Variants in PRPF40B observed in about 807,000 individuals in gnomAD.
PRPF40B encodes the protein pre-mRNA-processing factor 40 homolog B.
PRPF40B carries 56 observed loss-of-function variants against 124.5 expected under a neutral mutation model. The ratio of observed to expected loss-of-function variants is 0.45; its 90% CI spans 0.36 to 0.56. PRPF40B has a LOEUF of 0.56. PRPF40B is among the 20% of genes least tolerant of loss of function. PRPF40B has a pLI of 0.00. For missense variants in PRPF40B, 1,053 were observed against 1,169.5 expected, an observed-to-expected ratio of 0.90 and a Z score of 1.45; for synonymous variants, 443 against 426.4, an observed-to-expected ratio of 1.04 and a Z score of -0.48.
At chr12:49,624,489 C>G (rs373955917) in intron 1 of PRPF40B, among the ~76,000 whole-genome samples, 1 of 152,124 alleles carries the variant, frequency 6.6e-6, no homozygotes, top group Non-Finnish European at 1.5e-5. Context: ...CCTAACTCCA[C>G]AATGATGGAG....
rs987776065 is a variant in PRPF40B at position 49,628,632 on chromosome 12, C to T, written c.4-1913C>T. 2.0e-5 allele frequency among the ~76,000 whole-genome samples: 3 copies of T among 150,278 alleles called. No homozygotes were observed. In the East Asian group the frequency reaches 5.9e-4, roughly 29 times the overall value. On this transcript the variant is annotated intron_variant, in intron 1 of 25. Transcript: ENST00000548825. Reference sequence around the variant, plus strand: ...AGGCTGGAGTTGGAGTGCAGTGGCGCCTCGGCTCACTGCAAACTCCGCCTC... The same window carrying T: ...AGGCTGGAGTTGGAGTGCAGTGGCGTCTCGGCTCACTGCAAACTCCGCCTC...
intron 15 of PRPF40B, among the ~76,000 whole-genome samples, chr12:49,636,305 T>A (rs893326195): frequency 1.3e-5 from 2 of 152,176 alleles, no homozygotes; most frequent in African/African-American, 4.8e-5. Flanking sequence ...TCTTAAAGCA[T>A]CATAGAACTA....
In PRPF40B at chr12:49,630,586, C is replaced by A; in HGVS notation, c.45C>A (p.Ala15=). 3.5e-6 allele frequency: 5 copies of A among 1,411,696 alleles called. No homozygotes were observed. Among genetic ancestry groups the A allele is most frequent in the East Asian group, 2.3e-5 (1 of 43,684 alleles). The allele number at this position is 1,411,696 out of a possible 1,614,324, so 87.4% of individuals were successfully genotyped here. A position where few individuals can be genotyped will look rare whatever the true frequency, so the allele number is the denominator to read the frequency against. Residue 15 remains alanine, a synonymous_variant, in exon 2 of 26, where the codon GCC becomes GCA. Coordinates refer to ENST00000548825, the MANE Select transcript of PRPF40B (RefSeq NM_001031698.3). The part of the protein sequence containing the change: ...DSGPRPPAAP[A]PFPPGPPMMP... ...GTCCCCGGCCCCCAGCAGCGCCTGC[C>A]CCCTTCCCACCGGGGCCCCCCATGA...
chr12:49,624,232 A>G, intron 1 of PRPF40B: 4 of 902,498 alleles, frequency 4.4e-6, no homozygotes, highest in Non-Finnish European at 5.3e-6. Flanking sequence ...AAGGAAATGC[A>G]TGAAAATTAA....
Position 49,631,629 on chromosome 12 carries a change from G to A in PRPF40B, c.228+85G>A. On this transcript the variant is annotated intron_variant, in intron 3 of 25. Coordinates refer to ENST00000548825, the MANE Select transcript of PRPF40B (RefSeq NM_001031698.3). The surrounding 1 kb of genome is among the most constrained non-coding windows in gnomAD (Gnocchi z 4.3). ...GATAAGAGCGGGCATGTAGGCCTCA[G>A]AAACTGGGGAAGGAAGGGAGCTTTG... 3.4e-6 allele frequency: 5 copies of A among 1,469,690 alleles called. No homozygotes were observed. The highest frequency in any genetic ancestry group is 4.6e-6 in the Non-Finnish European group (5 of 1,084,124). The allele number at this position is 1,469,690 out of a possible 1,614,324, so 91.0% of individuals were successfully genotyped here. A position where few individuals can be genotyped will look rare whatever the true frequency, so the allele number is the denominator to read the frequency against.
At chr12:49,633,227 T>G in intron 7 of PRPF40B, 103 bp downstream of exon 7, 1 of 1,264,650 alleles carries the variant, frequency 7.9e-7, no homozygotes, top group African/African-American at 1.5e-5. Flanking sequence ...GTTCCTCTGA[T>G]CCCAAGGTCC....
At chr12:49,637,611 T>C in intron 17 of PRPF40B, 27 bp downstream of exon 17, 1 of 1,600,386 alleles carries the variant, frequency 6.2e-7, no homozygotes, top group Non-Finnish European at 8.6e-7. Flanking sequence ...CCCCCTTCTC[T>C]GGCCTGGCTT....
In PRPF40B at chr12:49,635,400, G is replaced by C; in HGVS notation, c.1202G>C (p.Trp401Ser). 6.2e-7 allele frequency: 1 copy of C among 1,614,056 alleles called. No homozygotes were observed. Among genetic ancestry groups the C allele is most frequent in the Non-Finnish European group, 8.5e-7 (1 of 1,179,992 alleles). ...AEQTFGELEV[W>S]AVVPERDRKE... ...CAGACCTTTGGGGAGCTGGAGGTCT[G>C]GGCTGTGGTCCCTGAGAGGGATCGA... is the stretch of plus-strand genomic sequence containing the variant. The change falls in exon 14 of 26, where the codon TGG (tryptophan) becomes TCG (serine). Residue 401 changes from tryptophan to serine, a missense_variant. By Grantham distance (177) the Trp-to-Ser change is radical (BLOSUM62 -3). Coordinates refer to ENST00000548825, the MANE Select transcript of PRPF40B (RefSeq NM_001031698.3). This position sits in a 1 kb window ranked among gnomAD's most constrained non-coding sequence, Gnocchi z 4.1.
rs1942776165 is a variant in PRPF40B, at chr12:49,642,254, C to T, written c.1904C>T (p.Ala635Val). The T allele has an allele frequency of 6.2e-7, 1 of 1,614,054 alleles. No homozygotes were observed. The highest frequency in any genetic ancestry group is 8.5e-7 in the Non-Finnish European group (1 of 1,180,036). Residue 635 changes from alanine to valine, a missense_variant, in exon 20 of 26, where the codon GCA becomes GTA. Physicochemically the swap from Ala to Val is moderately conservative, Grantham distance 64. Transcript: ENST00000548825. The surrounding 1 kb of genome is among the most constrained non-coding windows in gnomAD (Gnocchi z 5.8). The part of the protein sequence containing the change: ...TFNSLLEKAE[A>V]REREREKEEA... The stretch of plus-strand genomic sequence containing the variant: ...CCTCAGCTGCTGGAGAAAGCAGAGG[C>T]ACGGGAGAGGGAGCGGGAGAAGGAG...
chr12:49,634,643 C>G (rs750244026), intron 12 of PRPF40B, 41 bp downstream of exon 12: 2 of 1,612,316 alleles, frequency 1.2e-6, no homozygotes, highest in Admixed American at 1.7e-5. Context: ...TTCATGAGAG[C>G]AGCTGTGCTA....
Position 49,642,982 on chromosome 12 carries a change from A to G in PRPF40B, c.2171A>G (p.Lys724Arg), listed in dbSNP as rs1208582168. 1 of 1,613,840 alleles carries G rather than the reference A, an allele frequency of 6.2e-7. No homozygotes were observed. The highest frequency in any genetic ancestry group is 8.5e-7 in the Non-Finnish European group (1 of 1,179,904). Reference protein sequence around the residue: ...TKGRKHGRKGKKHHHKRSHSP... With the variant: ...TKGRKHGRKGRKHHHKRSHSP... ...GGCCGAAAGCATGGCAGGAAAGGCA[A>G]GAAGCACCATCACAAGCGTTCCCAC... The change falls in exon 22 of 26, where the codon AAG becomes AGG. Residue 724 changes from lysine (K) to arginine (R), a missense_variant. By Grantham distance (26) the Lys-to-Arg change is conservative. Transcript: ENST00000548825. This position sits in a 1 kb window ranked among gnomAD's most constrained non-coding sequence, Gnocchi z 5.8.
chr12:49,623,768 T>C (rs952631808), intron 1 of PRPF40B, 175 bp downstream of exon 1: 2 of 28,796 alleles, frequency 6.9e-5, no homozygotes, highest in Non-Finnish European at 8.1e-5. Context: ...GGGCGGGGAC[T>C]GGGGGCGAAG....
At chr12:49,633,373 C>G in intron 7 of PRPF40B, 54 bp from the exon 8 acceptor site, 1 of 1,610,988 alleles carries the variant, frequency 6.2e-7, no homozygotes, top group South Asian at 1.1e-5. Flanking sequence ...GCTCCCCTGA[C>G]TGGCTGGAGA....
In PRPF40B at chr12:49,637,549, C is replaced by T. The variant is rs1455760587; in HGVS notation, c.1640C>T (p.Thr547Ile). 1.9e-6 allele frequency: 3 copies of T among 1,613,806 alleles called. No individual in the cohort carries two copies. The African/African-American group carries it at 4.0e-5, about 22-fold the overall frequency. ...TWMELYPAVSTDVRFANMLGQ... is the reference protein window; with the variant it reads ...TWMELYPAVSIDVRFANMLGQ... Reference sequence around the variant, plus strand: ...ATGGAGCTATATCCAGCAGTCAGCACTGATGTCCGCTTTGCCAACATGCTG... The same window carrying T: ...ATGGAGCTATATCCAGCAGTCAGCATTGATGTCCGCTTTGCCAACATGCTG... The change falls in exon 17 of 26, where the codon ACT (threonine) becomes ATT (isoleucine). Residue 547 changes from threonine to isoleucine, a missense_variant. By Grantham distance (89) the Thr-to-Ile change is moderately conservative. This residue lies in a region of PRPF40B where 895 missense variants were observed against 1,052.2 expected (regional missense o/e 0.85). Coordinates refer to ENST00000548825, the MANE Select transcript of PRPF40B (RefSeq NM_001031698.3).
At chr12:49,638,815 C>T (rs774524877) in intron 18 of PRPF40B, 55 of 152,222 alleles carry the variant, frequency 3.6e-4, no homozygotes, top group Admixed American at 9.2e-4. Flanking sequence ...GAGTGTTCCA[C>T]CAGAGTACAC....
intron 1 of PRPF40B, among the ~76,000 whole-genome samples, chr12:49,628,844 G>T (rs1013538069): frequency 2.0e-5 from 3 of 152,218 alleles, no homozygotes; most frequent in African/African-American, 7.2e-5. Flanking sequence ...GGGATTACAG[G>T]TGTGAGCCAC....
chr12:49,631,611 G>A lies in PRPF40B; in HGVS notation c.228+67G>A, dbSNP rs1321715722. The A allele has an allele frequency of 6.6e-7, 1 of 1,508,934 alleles. No homozygotes were observed. The highest frequency in any genetic ancestry group is 1.4e-5 in the African/African-American group (1 of 71,402). 93.5% of individuals were successfully genotyped at this position (1,508,934 alleles called of 1,614,324 possible). ...AGTTTAGCTGGGGGTGGAGATAAGA[G>A]CGGGCATGTAGGCCTCAGAAACTGG... On this transcript the variant is annotated intron_variant, in intron 3 of 25. Transcript: ENST00000548825. This position sits in a 1 kb window ranked among gnomAD's most constrained non-coding sequence, Gnocchi z 4.3.
intron 4 of PRPF40B, chr12:49,632,349 GC>G (rs1941302370): frequency 1.7e-6 from 1 of 574,310 alleles, no homozygotes. Context: ...GAAGGAATGA[GC>G]CTCGGGAGTT....
chr12:49,638,027 T>C (rs966524130), intron 18 of PRPF40B: 3 of 569,932 alleles, frequency 5.3e-6, no homozygotes, highest in South Asian at 4.4e-5. Context: ...TAGGAAGATA[T>C]ACATGAGAAC....
Sources: allele counts gnomAD v4.1 joint callset (sites outside exome capture counted in the v4.1 genomes callset), GRCh38; gene constraint gnomAD v4.1.1; regional missense constraint gnomAD v4.1.1; non-coding constraint Gnocchi (gnomAD v3.1); transcripts MANE v1.5; gene names NCBI Gene and HGNC (gene_info 2026-07-23, HGNC 2026-07-21).